ME2: variants seen among roughly 807,000 people sequenced by gnomAD.
ME2 encodes NAD-dependent malic enzyme, mitochondrial.
In ME2, 60 loss-of-function variants were observed where a neutral mutation model predicts 73.7. The ratio of observed to expected loss-of-function variants is 0.81; its 90% CI spans 0.66 to 1.01. The LOEUF is 1.01. Among genes scored for constraint, ME2 ranks in the 50% least tolerant of loss-of-function variants. The pLI, the probability that ME2 is intolerant of heterozygous loss-of-function variation, is 0.00. For missense variants in ME2, 594 were observed against 705.5 expected (o/e 0.84, Z 1.79); for synonymous variants, 199 against 236.9 (o/e 0.84, Z 1.47).
At chr18:50,896,746 C>T (rs1365590880) in intron 2 of ME2, among the ~76,000 whole-genome samples, 2 of 152,138 alleles carry the variant, frequency 1.3e-5, no homozygotes, top group Non-Finnish European at 2.9e-5. Flanking sequence ...GTTTGTTTCC[C>T]ACTATCAGGG....
intron 13 of ME2, among the ~76,000 whole-genome samples, chr18:50,937,445 A>G (rs914590352): frequency 3.3e-5 from 5 of 152,232 alleles, no homozygotes; most frequent in African/African-American, 1.2e-4. Flanking sequence ...CCTCATGCTC[A>G]TAGCTTCCAA....
At chr18:50,897,374 G>A (rs988026101) in intron 2 of ME2, among the ~76,000 whole-genome samples, 2 of 152,160 alleles carry the variant, frequency 1.3e-5, no homozygotes, top group Admixed American at 6.6e-5. Context: ...AGTACATTGA[G>A]TGTCAAACAA....
intron 7 of ME2, among the ~76,000 whole-genome samples, chr18:50,918,790 G>C (rs1329487454): frequency 6.7e-6 from 1 of 148,376 alleles, no homozygotes; most frequent in African/African-American, 2.5e-5. Flanking sequence ...TTTCAGCCAT[G>C]TCAACTATGA....
chr18:50,901,670 G>A (rs1339780064), intron 2 of ME2, among the ~76,000 whole-genome samples: 1 of 152,202 alleles, frequency 6.6e-6, no homozygotes, highest in Middle Eastern at 3.2e-3. Flanking sequence ...CAGTAAAAGT[G>A]TACAATTGTT....
intron 13 of ME2, among the ~76,000 whole-genome samples, chr18:50,937,163 G>A (rs1510392): frequency 0.14 from 19,834 of 142,778 alleles, 1,841 homozygotes; most frequent in African/African-American, 0.28. Context: ...CCAATTACTT[G>A]AAAAAAAAAA....
chr18:50,924,141 A>G lies in ME2; in HGVS notation c.1100A>G (p.His367Arg). The change falls in exon 11 of 16, where the codon CAC becomes CGC. Residue 367 changes from histidine to arginine, a missense_variant. Transcript: ENST00000321341. ...GATAGTTATCAGGAACCATTTACTC[A>G]CTCAGCCCCAGAGAGCATACCTGAT... ...KIDSYQEPFTHSAPESIPDTF... is the reference protein window; with the variant it reads ...KIDSYQEPFTRSAPESIPDTF... 1.9e-6 allele frequency: 3 copies of G among 1,613,544 alleles called. No homozygotes were observed. The South Asian group carries it at 3.3e-5, about 18-fold the overall frequency.
intron 1 of ME2, among the ~76,000 whole-genome samples, chr18:50,891,628 C>T (rs954687710): frequency 2.6e-5 from 4 of 151,898 alleles, no homozygotes; most frequent in Middle Eastern, 3.2e-3. Flanking sequence ...GAATTGGTTC[C>T]GCATGATCCC....
intron 13 of ME2, chr18:50,933,070 C>T (rs1205757801): frequency 6.6e-6 from 1 of 152,246 alleles, no homozygotes; most frequent in East Asian, 1.9e-4. Flanking sequence ...TTCCCAATAC[C>T]TTTTTTATTC....
intron 1 of ME2, among the ~76,000 whole-genome samples, chr18:50,884,082 G>A (rs941057843): frequency 4.6e-4 from 70 of 151,954 alleles, no homozygotes; most frequent in Non-Finnish European, 8.8e-4. Context: ...GTCTGTAAGT[G>A]TTCTAAGTTC....
chr18:50,880,141 G>A lies in ME2; in HGVS notation c.-13+833G>A, dbSNP rs139866875. 6.4e-4 allele frequency among the ~76,000 whole-genome samples: 97 copies of A among 152,268 alleles called. No individual in the cohort carries two copies. The South Asian group carries it at 7.5e-3, about 12-fold the overall frequency. On this transcript the variant is annotated intron_variant, in intron 1 of 15. Coordinates refer to ENST00000321341, the MANE Select transcript of ME2 (RefSeq NM_002396.5). ...GTTGCAGTTGATAACGATAACAATA[G>A]TAGCATGTATTAATTGCTAGTGACA...
In ME2 at chr18:50,947,481, T is replaced by G; in HGVS notation, c.*297T>G. ...TGAATGTCTTCACTTGTACTCTAATTCAGACTTGCCAAAGTATTTGCTATT... is the reference window on the plus strand; with the variant it reads ...TGAATGTCTTCACTTGTACTCTAATGCAGACTTGCCAAAGTATTTGCTATT... On this transcript the variant is annotated 3_prime_UTR_variant, in exon 16 of 16. Coordinates refer to ENST00000321341, the MANE Select transcript of ME2 (RefSeq NM_002396.5). 3.7e-6 allele frequency: 1 copy of G among 270,696 alleles called. No individual in the cohort carries two copies. The allele number at this position is 270,696 out of a possible 1,614,324, so 16.8% of individuals were successfully genotyped here.
intron 12 of ME2, among the ~76,000 whole-genome samples, chr18:50,926,530 A>G (rs1917557176): frequency 6.6e-6 from 1 of 152,140 alleles, no homozygotes; most frequent in Non-Finnish European, 1.5e-5. Context: ...TCCTGAATCT[A>G]TGGCTTGATG....
intron 9 of ME2, 35 bp downstream of exon 9, chr18:50,920,793 TC>T: frequency 6.9e-7 from 1 of 1,457,082 alleles, no homozygotes; most frequent in Non-Finnish European, 9.5e-7. Flanking sequence ...CTTAAGCCTA[TC>T]CTCTCTTATA....
chr18:50,886,057 C>T, intron 1 of ME2, among the ~76,000 whole-genome samples: 1 of 151,708 alleles, frequency 6.6e-6, no homozygotes, highest in Non-Finnish European at 1.5e-5. Context: ...AATAGATATC[C>T]ATTATTAGAT....
At chr18:50,921,042 G>A (rs768798039) in intron 9 of ME2, 32 bp from the exon 10 acceptor site, 2 of 1,074,304 alleles carry the variant, frequency 1.9e-6, no homozygotes, top group East Asian at 2.5e-5. Context: ...TCGTACTCTA[G>A]TATATATTAA....
intron 1 of ME2, 86 bp from the exon 2 acceptor site, chr18:50,895,723 A>C (rs1599091000): frequency 1.2e-6 from 1 of 814,566 alleles, no homozygotes; most frequent in East Asian, 2.6e-5. Context: ...TGGAAACATA[A>C]ATGTGTTTTG....
intron 2 of ME2, among the ~76,000 whole-genome samples, chr18:50,907,619 A>C (rs1172951065): frequency 1.3e-5 from 2 of 152,186 alleles, no homozygotes; most frequent in Admixed American, 6.5e-5. Flanking sequence ...ATGGTATTTC[A>C]TGGTATGAAT....
rs1918205560 is a variant in ME2, at chr18:50,950,627, G to A, written c.*3443G>A. ...AGCCTCCTGAGTAGCTGGGACTATA[G>A]GCGCAAGTCTATGCAACCACCCAGC... On this transcript the variant is annotated 3_prime_UTR_variant, in exon 16 of 16. Transcript: ENST00000321341. The A allele has an allele frequency of 6.6e-6, 1 of 151,666 alleles. No homozygotes were observed. The highest frequency in any genetic ancestry group is 1.5e-5 in the Non-Finnish European group (1 of 67,968). 9.4% of individuals were successfully genotyped at this position (151,666 alleles called of 1,614,324 possible). A position where few individuals can be genotyped will look rare whatever the true frequency, so the allele number is the denominator to read the frequency against.
At chr18:50,927,605 G>A (rs1259510491) in intron 12 of ME2, among the ~76,000 whole-genome samples, 1 of 150,974 alleles carries the variant, frequency 6.6e-6, no homozygotes, top group East Asian at 2.0e-4. Context: ...GGGAGGCTGA[G>A]GCAGGAGAAT....
Sources: allele counts gnomAD v4.1 joint callset (sites outside exome capture counted in the v4.1 genomes callset), GRCh38; gene constraint gnomAD v4.1.1; transcripts MANE v1.5; gene names NCBI Gene and HGNC (gene_info 2026-07-23, HGNC 2026-07-21).